The following MACF1 variants were observed in gnomAD, a reference collection of about 807,000 sequenced individuals.
MACF1 encodes microtubule-actin cross-linking factor 1.
MACF1 carries 193 observed loss-of-function variants against 854.8 expected under a neutral mutation model. The ratio of observed to expected loss-of-function variants is 0.23; its 90% CI spans 0.20 to 0.25. The LOEUF is 0.25. Ranked by LOEUF, MACF1 falls within the 10% of genes least tolerant of loss-of-function variation. The pLI is 1.00. For missense variants in MACF1, 7,722 were observed against 8,929.1 expected (o/e 0.86, Z 5.45); for synonymous variants, 3,185 against 3,226.7 (o/e 0.99, Z 0.44).
intron 2 of MACF1, among the ~76,000 whole-genome samples, chr1:39,182,694 TAAAAA>T (rs1384418301): frequency 2.0e-5 from 3 of 152,202 alleles, no homozygotes; most frequent in Admixed American, 2.0e-4. Context: ...ATGGCTTTAA[TAAAAA>T]AGAGAGTGAG....
chr1:39,309,261 G>A (rs1186382336), intron 23 of MACF1, among the ~76,000 whole-genome samples: 1 of 142,954 alleles, frequency 7.0e-6, no homozygotes, highest in Non-Finnish European at 1.5e-5. Context: ...ATGTAGTTTA[G>A]TTTTTTTTTT....
intron 2 of MACF1, among the ~76,000 whole-genome samples, chr1:39,165,730 T>A (rs1188151479): frequency 6.6e-6 from 1 of 152,234 alleles, no homozygotes; most frequent in Admixed American, 6.5e-5. Context: ...ACTACTTTTA[T>A]GTTGATTACT....
intron 1 of MACF1, chr1:39,206,946 T>TA (rs1644456841): frequency 6.6e-6 from 1 of 151,992 alleles, no homozygotes; most frequent in South Asian, 2.1e-4. Context: ...TACACTTGAT[T>TA]AAAAACACAA....
intron 2 of MACF1, among the ~76,000 whole-genome samples, chr1:39,181,560 C>G (rs907973532): frequency 1.3e-5 from 2 of 151,952 alleles, no homozygotes; most frequent in East Asian, 3.9e-4. Context: ...CAAGCTGCTC[C>G]TGAAATTCAT....
chr1:39,300,402 A>C (rs755755720), intron 22 of MACF1, 40 bp downstream of exon 22: 1 of 1,580,856 alleles, frequency 6.3e-7, no homozygotes, highest in South Asian at 1.2e-5. Context: ...CACAGGGGGA[A>C]GGAAGAAAGA....
At position 39,388,024 on chromosome 1, in the gene MACF1, C is replaced by T; in HGVS notation, c.15182C>T (p.Ala5061Val). 6.2e-7 allele frequency: 1 copy of T among 1,614,092 alleles called. No individual in the cohort carries two copies. Among genetic ancestry groups the T allele is most frequent in the Non-Finnish European group, 8.5e-7 (1 of 1,180,022 alleles). The change falls in exon 58 of 101, where the codon GCC (alanine) becomes GTC (valine). Residue 5061 changes from alanine to valine, a missense_variant. Ala to Val is a moderately conservative substitution (Grantham distance 64, BLOSUM62 0). Transcript: ENST00000564288. ...KLRAQQEVLQ[A>V]LEPQVDYLRN... ...AGAGCTCAACAGGAAGTGCTGCAGG[C>T]CCTAGAGCCTCAGGTAGACTATCTG...
At chr1:39,413,634 A>T in intron 58 of MACF1, 1 of 1,534,622 alleles carries the variant, frequency 6.5e-7, no homozygotes, top group Non-Finnish European at 8.7e-7. Flanking sequence ...CAGCTGCTGC[A>T]GTGCCCACCC....
chr1:39,359,672 A>T (rs1042239418), intron 47 of MACF1, among the ~76,000 whole-genome samples: 5 of 152,018 alleles, frequency 3.3e-5, no homozygotes. Flanking sequence ...ATAGTTAATA[A>T]CAATATATCG....
rs985789756 is a variant in MACF1, at chr1:39,459,347, A to T, written c.21360+98A>T. On this transcript the variant is annotated intron_variant, in intron 91 of 100. Coordinates refer to ENST00000564288, the MANE Select transcript of MACF1 (RefSeq NM_001394062.1). ...CTCTTAATGTGAACCTTGTGTCTTA[A>T]TTTACTTTTTCACAATAGAAACAGA... 2.1e-5 allele frequency: 28 copies of T among 1,311,990 alleles called. No individual in the cohort carries two copies. In the Admixed American group the frequency reaches 3.2e-4, roughly 15 times the overall value. 81.3% of individuals were successfully genotyped at this position (1,311,990 alleles called of 1,614,324 possible).
In MACF1 at chr1:39,257,954, C is replaced by A; in HGVS notation, c.454C>A (p.Arg152Ser). ...TTTTCAGGTGAAACTAGTGAATATT[C>A]GCAATGATGACATCACAGATGGCAA... is the stretch of plus-strand genomic sequence containing the variant. ...KQRQVKLVNI[R>S]NDDITDGNPK... The change falls in exon 6 of 101, where the codon CGC becomes AGC. Residue 152 changes from arginine (R) to serine (S), a missense_variant. By Grantham distance (110) the Arg-to-Ser change is moderately radical. Coordinates refer to ENST00000564288, the MANE Select transcript of MACF1 (RefSeq NM_001394062.1). 6.2e-7 allele frequency: 1 copy of A among 1,613,472 alleles called. No homozygotes were observed.
chr1:39,331,837 G>A lies in MACF1; in HGVS notation c.5249G>A (p.Arg1750His), dbSNP rs370428216. The change falls in exon 37 of 101, where the codon CGT (arginine) becomes CAT (histidine). Residue 1750 changes from arginine (R) to histidine (H), a missense_variant. Transcript: ENST00000564288. Reference protein sequence around the residue: ...LKSGRKVSIFRAVQEGLIDRQ... With the variant: ...LKSGRKVSIFHAVQEGLIDRQ... ...TCAGGCCGGAAGGTTAGCATTTTCC[G>A]TGCAGTTCAGGAAGGGCTAATAGAT... is the stretch of plus-strand genomic sequence containing the variant. 16 of 1,613,984 alleles carry A rather than the reference G, an allele frequency of 9.9e-6. No individual in the cohort carries two copies. The highest frequency in any genetic ancestry group is 5.5e-5 in the South Asian group (5 of 91,078).
intron 93 of MACF1, 121 bp from the exon 94 acceptor site, chr1:39,463,490 CA>C (rs58454766): frequency 0.18 from 89,463 of 491,482 alleles, 25 homozygotes; most frequent in South Asian, 0.24. Context: ...AACTCCATCT[CA>C]AAAAAAAAAA....
Position 39,230,547 on chromosome 1 carries a change from T to C in MACF1, c.110-635T>C, listed in dbSNP as rs370369933. On this transcript the variant is annotated intron_variant, in intron 1 of 100. Transcript: ENST00000564288. ...GGATAAGGCCTCTGTGGAGCAGTCA[T>C]TGTCAAGCATTGACAGTCATGTTTT... 6.6e-5 allele frequency among the ~76,000 whole-genome samples: 10 copies of C among 151,882 alleles called. No homozygotes were observed. In the East Asian group the frequency reaches 1.6e-3, roughly 24 times the overall value.
At chr1:39,260,433 C>A (rs1223546464) in intron 6 of MACF1, 1 of 151,276 alleles carries the variant, frequency 6.6e-6, no homozygotes, top group Non-Finnish European at 1.5e-5. Context: ...GGCACCATCT[C>A]GGCTTACCAA....
chr1:39,348,405 T>C (rs1483337970), intron 41 of MACF1, among the ~76,000 whole-genome samples: 1 of 152,228 alleles, frequency 6.6e-6, no homozygotes, highest in Non-Finnish European at 1.5e-5. Flanking sequence ...TGTAATTAAT[T>C]CCACAATGCT....
intron 52 of MACF1, among the ~76,000 whole-genome samples, chr1:39,374,504 G>A (rs1053169055): frequency 2.6e-5 from 4 of 152,168 alleles, no homozygotes; most frequent in Non-Finnish European, 5.9e-5. Flanking sequence ...TGACTTATTC[G>A]TGTGACTAAA....
intron 95 of MACF1, among the ~76,000 whole-genome samples, chr1:39,465,715 T>C (rs995322971): frequency 1.3e-5 from 2 of 152,178 alleles, no homozygotes; most frequent in Non-Finnish European, 2.9e-5. Context: ...CTTTCAGATC[T>C]TTTTGAGTGC....
intron 2 of MACF1, among the ~76,000 whole-genome samples, chr1:39,108,388 A>G (rs999038379): frequency 2.0e-5 from 3 of 152,150 alleles, no homozygotes; most frequent in African/African-American, 7.2e-5. Flanking sequence ...ATACTTGCAA[A>G]CAAGTAGTTG....
At chr1:39,301,710 C>T (rs1181272153) in intron 22 of MACF1, among the ~76,000 whole-genome samples, 1 of 152,190 alleles carries the variant, frequency 6.6e-6, no homozygotes, top group Non-Finnish European at 1.5e-5. Flanking sequence ...CAGGCATAAG[C>T]CACTGCGCCC....
Sources: allele counts gnomAD v4.1 joint callset (sites outside exome capture counted in the v4.1 genomes callset), GRCh38; gene constraint gnomAD v4.1.1; transcripts MANE v1.5; gene names NCBI Gene and HGNC (gene_info 2026-07-23, HGNC 2026-07-21).